ITPR1: variants seen among roughly 807,000 people sequenced by gnomAD.
ITPR1 encodes the protein inositol 1,4,5-trisphosphate receptor type 1, also known as inositol 1,4,5-trisphosphate-gated calcium channel ITPR1.
In ITPR1, 96 loss-of-function variants were observed where a neutral mutation model predicts 318.4. That is an observed-to-expected ratio of 0.30 (90% CI 0.26 to 0.36). The LOEUF (loss-of-function observed/expected upper bound fraction) is 0.36, where lower values mean the gene tolerates loss of function less well. Ranked by LOEUF, ITPR1 falls within the 10% of genes least tolerant of loss-of-function variation. The pLI is 1.00. For synonymous variants in ITPR1, 1,312 were observed against 1,289.9 expected (o/e 1.02, Z -0.37); for missense variants, 2,440 against 3,460.2 (o/e 0.71, Z 7.40).
At chr3:4,831,638 A>G (rs922250756) in intron 60 of ITPR1, among the ~76,000 whole-genome samples, 2 of 152,240 alleles carry the variant, frequency 1.3e-5, no homozygotes, top group African/African-American at 2.4e-5. Flanking sequence ...GACTTTTCCA[A>G]AAATCCATTA....
intron 41 of ITPR1, among the ~76,000 whole-genome samples, chr3:4,726,798 A>AT (rs2042549294): frequency 6.6e-6 from 1 of 152,228 alleles, no homozygotes; most frequent in Admixed American, 6.5e-5. Flanking sequence ...TGAGTCTTGC[A>AT]TTACAACCCC....
chr3:4,715,418 G>T (rs1161536314), intron 39 of ITPR1, among the ~76,000 whole-genome samples: 2 of 152,208 alleles, frequency 1.3e-5, no homozygotes, highest in Admixed American at 6.5e-5. Context: ...TAGACGCCAA[G>T]TGCATTTACA....
At chr3:4,581,692 G>A (rs2089358055) in intron 4 of ITPR1, among the ~76,000 whole-genome samples, 1 of 152,160 alleles carries the variant, frequency 6.6e-6, no homozygotes, top group African/African-American at 2.4e-5. Context: ...GACTGTAGGG[G>A]GAACCGTGTT....
At chr3:4,578,552 C>T (rs992100403) in intron 4 of ITPR1, among the ~76,000 whole-genome samples, 9 of 152,020 alleles carry the variant, frequency 5.9e-5, no homozygotes, top group African/African-American at 1.7e-4. Context: ...CTCATAATGT[C>T]CCACAGCCAG....
Position 4,800,510 on chromosome 3 carries a change from T to C in ITPR1, c.7017T>C (p.His2339=). Reference sequence around the variant, plus strand: ...TCGTCATTGCCCTCCCCAAGCCCCATGGCATCCGGGCCTTAATTGCCTCCA... The same window carrying C: ...TCGTCATTGCCCTCCCCAAGCCCCACGGCATCCGGGCCTTAATTGCCTCCA... ...LAIVIALPKP[H]GIRALIASTI... Residue 2339 remains histidine (H), a synonymous_variant, in exon 54 of 62, where the codon CAT becomes CAC. Transcript: ENST00000649015. 2 of 1,614,052 alleles carry C rather than the reference T, an allele frequency of 1.2e-6. No homozygotes were observed. The highest frequency in any genetic ancestry group is 1.3e-5 in the African/African-American group (1 of 75,068).
intron 5 of ITPR1, among the ~76,000 whole-genome samples, chr3:4,635,558 G>T (rs2093161860): frequency 6.6e-6 from 1 of 151,872 alleles, no homozygotes. Context: ...TGTTAGCCAG[G>T]ATGGTCTCGA....
chr3:4,597,983 C>G (rs951590307), intron 4 of ITPR1, among the ~76,000 whole-genome samples: 1 of 152,174 alleles, frequency 6.6e-6, no homozygotes, highest in African/African-American at 2.4e-5. Flanking sequence ...GTTGATAAAC[C>G]ATCCTTCAGC....
intron 53 of ITPR1, chr3:4,800,153 G>A (rs2048133761): frequency 4.4e-6 from 2 of 456,862 alleles, no homozygotes; most frequent in Admixed American, 8.8e-5. Context: ...AGGGGATTGG[G>A]GGAGGCTTCC....
chr3:4,743,108 G>C (rs560558025), intron 44 of ITPR1, among the ~76,000 whole-genome samples: 1 of 152,358 alleles, frequency 6.6e-6, no homozygotes, highest in Admixed American at 6.5e-5. Flanking sequence ...CTTCTTTGTG[G>C]TTTGAAGTGC....
chr3:4,546,536 C>T (rs976144484), intron 4 of ITPR1, among the ~76,000 whole-genome samples: 5 of 152,204 alleles, frequency 3.3e-5, no homozygotes, highest in Non-Finnish European at 7.3e-5. Flanking sequence ...GCACCGTTCA[C>T]TCTAGCTGGT....
chr3:4,839,588 G>C (rs2051187937), intron 61 of ITPR1, among the ~76,000 whole-genome samples: 1 of 152,104 alleles, frequency 6.6e-6, no homozygotes, highest in South Asian at 2.1e-4. Flanking sequence ...TGAAGTTTCA[G>C]AAGTCAAGTC....
chr3:4,735,435 G>A, intron 44 of ITPR1, 81 bp downstream of exon 44: 1 of 1,220,764 alleles, frequency 8.2e-7, no homozygotes, highest in Non-Finnish European at 1.2e-6. Context: ...ATGTCTGGGT[G>A]GTACCAAGCC....
At chr3:4,518,862 G>C (rs988411118) in intron 3 of ITPR1, among the ~76,000 whole-genome samples, 1 of 152,128 alleles carries the variant, frequency 6.6e-6, no homozygotes, top group African/African-American at 2.4e-5. Flanking sequence ...TTGAGACCAG[G>C]AGCTCAAGAC....
chr3:4,582,875 CT>C (rs1178300567), intron 4 of ITPR1, among the ~76,000 whole-genome samples: 10 of 152,190 alleles, frequency 6.6e-5, no homozygotes, highest in Non-Finnish European at 8.8e-5. Context: ...GCTGCTGCCT[CT>C]GCTTTAGTAT....
At chr3:4,720,933 G>T (rs1331007601) in intron 40 of ITPR1, among the ~76,000 whole-genome samples, 1 of 151,970 alleles carries the variant, frequency 6.6e-6, no homozygotes, top group Non-Finnish European at 1.5e-5. Flanking sequence ...CCAGTGTTCA[G>T]GCAGCAGTTA....
At chr3:4,632,775 G>C (rs1163275140) in intron 5 of ITPR1, among the ~76,000 whole-genome samples, 1 of 151,602 alleles carries the variant, frequency 6.6e-6, no homozygotes, top group Non-Finnish European at 1.5e-5. Context: ...GTTGAAAAAA[G>C]TTCAATCATA....
At chr3:4,767,216 A>G (rs1214995346) in intron 45 of ITPR1, among the ~76,000 whole-genome samples, 1 of 152,200 alleles carries the variant, frequency 6.6e-6, no homozygotes, top group Non-Finnish European at 1.5e-5. Flanking sequence ...CAAGTTTAGA[A>G]CTGGGTTTCT....
intron 4 of ITPR1, among the ~76,000 whole-genome samples, chr3:4,598,928 C>T (rs1290537238): frequency 1.3e-5 from 2 of 152,068 alleles, no homozygotes; most frequent in African/African-American, 4.8e-5. Flanking sequence ...ACTATTTTTC[C>T]TCTTTTGTAC....
At chr3:4,757,540 A>G (rs1400889665) in intron 44 of ITPR1, among the ~76,000 whole-genome samples, 2 of 152,010 alleles carry the variant, frequency 1.3e-5, no homozygotes, top group East Asian at 3.9e-4. Flanking sequence ...CTCAGGGGAG[A>G]GGTGTTTAAC....
Sources: allele counts gnomAD v4.1 joint callset (sites outside exome capture counted in the v4.1 genomes callset), GRCh38; gene constraint gnomAD v4.1.1; transcripts MANE v1.5; gene names NCBI Gene and HGNC (gene_info 2026-07-23, HGNC 2026-07-21).